The following KRT78 variants were observed in gnomAD, a reference collection of about 807,000 sequenced individuals.
The protein encoded by KRT78 is keratin, type II cytoskeletal 78.
In KRT78, 55 loss-of-function variants were observed where a neutral mutation model predicts 51.4. The observed-to-expected ratio is 1.07, with a 90% CI of 0.86 to 1.34. The LOEUF is 1.34. Ranked by LOEUF, KRT78 falls within the 40% of genes most tolerant of loss-of-function variation. KRT78 has a pLI of 0.00. For synonymous variants in KRT78, 291 were observed against 264.3 expected, an observed-to-expected ratio of 1.10 and a Z score of -0.98; for missense variants, 652 against 649.4, an observed-to-expected ratio of 1.00 and a Z score of -0.04.
At chr12:52,839,722 T>C (rs1397245980) in intron 7 of KRT78, 42 bp downstream of exon 7, 3 of 1,572,772 alleles carry the variant, frequency 1.9e-6, no homozygotes, top group Non-Finnish European at 2.6e-6. Flanking sequence ...CCCATCCTCC[T>C]CCCCAAACTC....
Position 52,848,028 on chromosome 12 carries a change from G to A in KRT78, c.478C>T (p.Pro160Ser), listed in dbSNP as rs1003146698. ...TGATCCAGGCAGGCCTCAAAGACAGGCTCCAGGCCCTGCTGGCTGCCACTC... is the reference window on the plus strand; with the variant it reads ...TGATCCAGGCAGGCCTCAAAGACAGACTCCAGGCCCTGCTGGCTGCCACTC... ...GLSGSQQGLEPVFEACLDQLR... is the reference protein window; with the variant it reads ...GLSGSQQGLESVFEACLDQLR... The change falls in exon 2 of 9, where the codon CCT (proline) becomes TCT (serine). Residue 160 changes from proline to serine, a missense_variant. By Grantham distance (74) the Pro-to-Ser change is moderately conservative (BLOSUM62 -1). Coordinates refer to ENST00000304620, the MANE Select transcript of KRT78 (RefSeq NM_173352.4). The A allele has an allele frequency of 1.9e-6, 3 of 1,614,186 alleles. No individual in the cohort carries two copies. The highest frequency in any genetic ancestry group is 2.5e-6 in the Non-Finnish European group (3 of 1,180,020).
chr12:52,844,878 G>A (rs557996432), intron 4 of KRT78, among the ~76,000 whole-genome samples, 155 bp from the exon 5 acceptor site: 166 of 152,192 alleles, frequency 1.1e-3, no homozygotes, highest in African/African-American at 3.8e-3. Context: ...CATGGGACTC[G>A]ATCTCCTCAT....
At chr12:52,845,911 C>G in intron 4 of KRT78, 1 of 365,590 alleles carries the variant, frequency 2.7e-6, no homozygotes. Context: ...TGAGATTGCA[C>G]CACTGCACTC....
At chr12:52,844,813 C>T in intron 4 of KRT78, 90 bp from the exon 5 acceptor site, 2 of 1,290,586 alleles carry the variant, frequency 1.5e-6, no homozygotes, top group Non-Finnish European at 2.1e-6. Flanking sequence ...TGAATTTCTG[C>T]TTACATGCCA....
chr12:52,846,948 A>C (rs1592146991), intron 2 of KRT78, 124 bp from the exon 3 acceptor site: 1 of 689,296 alleles, frequency 1.5e-6, no homozygotes, highest in South Asian at 1.7e-5. Flanking sequence ...CAAGACAATA[A>C]CCAGCCCTTC....
At chr12:52,846,359 G>A (rs1359290337) in intron 3 of KRT78, 67 bp from the exon 4 acceptor site, 1 of 1,012,414 alleles carries the variant, frequency 9.9e-7, no homozygotes, top group African/African-American at 1.6e-5. Flanking sequence ...TCTGGCTCAG[G>A]AATTCTGTTC....
At chr12:52,841,767 T>C (rs11170284) in intron 6 of KRT78, among the ~76,000 whole-genome samples, 10,444 of 152,182 alleles carry the variant, frequency 0.069, 850 homozygotes, top group East Asian at 0.21. Flanking sequence ...ATCATGTTTG[T>C]GCAGGAAAAG....
intron 6 of KRT78, among the ~76,000 whole-genome samples, chr12:52,843,506 A>T (rs1940563259): frequency 6.6e-6 from 1 of 151,346 alleles, no homozygotes; most frequent in East Asian, 1.9e-4. Flanking sequence ...CCTGGCCAAC[A>T]TGGTGAAACC....
Position 52,838,729 on chromosome 12 carries a change from G to C in KRT78, c.*384C>G, listed in dbSNP as rs1940402452. On this transcript the variant is annotated 3_prime_UTR_variant, in exon 9 of 9. Coordinates refer to ENST00000304620, the MANE Select transcript of KRT78 (RefSeq NM_173352.4). ...AAACAGGCAGTTGATGAGGAAGTGA[G>C]CTACAAGCACAGCTAAAACATCAGT... is the stretch of plus-strand genomic sequence containing the variant. The C allele has an allele frequency of 4.2e-6, 1 of 240,930 alleles. No individual in the cohort carries two copies. Among genetic ancestry groups the C allele is most frequent in the African/African-American group, 2.2e-5 (1 of 44,964 alleles). 14.9% of individuals were successfully genotyped at this position (240,930 alleles called of 1,614,324 possible).
In KRT78 at chr12:52,839,164, G is replaced by A. The variant is rs753763723; in HGVS notation, c.1512C>T (p.Thr504=). 1 of 1,613,480 alleles carries A rather than the reference G, an allele frequency of 6.2e-7. No homozygotes were observed. Residue 504 remains threonine (T), a synonymous_variant, in exon 9 of 9, where the codon ACC becomes ACT. Coordinates refer to ENST00000304620, the MANE Select transcript of KRT78 (RefSeq NM_173352.4). ...SGSSAGSSCH[T]ILKKTVESSL... ...TCGACTCAACTGTCTTCTTCAGGAT[G>A]GTGTGGCAGCTGGAGCCAGCGCTGG... is the stretch of plus-strand genomic sequence containing the variant.
chr12:52,840,060 T>G, intron 6 of KRT78, 76 bp from the exon 7 acceptor site: 1 of 1,036,344 alleles, frequency 9.6e-7, no homozygotes. Context: ...ACTGTGGATA[T>G]CACTTGAAGG....
intron 4 of KRT78, chr12:52,845,938 G>A (rs1940630416): frequency 4.4e-6 from 2 of 450,826 alleles, no homozygotes; most frequent in African/African-American, 4.2e-5. Context: ...GGGCAACTGA[G>A]CAAGATTCCA....
At position 52,846,803 on chromosome 12, in the gene KRT78, C is replaced by T. The variant is rs758147151; in HGVS notation, c.621G>A (p.Arg207=). ...YKSKYEEEAH[R]RATLENDFVV... The stretch of plus-strand genomic sequence containing the variant: ...CAAAGTCGTTCTCAAGTGTGGCACG[C>T]CTGTGGGCCTCCTCCTCATACCTGC... Residue 207 remains arginine (R), a synonymous_variant, in exon 3 of 9, where the codon AGG becomes AGA. Coordinates refer to ENST00000304620, the MANE Select transcript of KRT78 (RefSeq NM_173352.4). The T allele has an allele frequency of 6.2e-7, 1 of 1,613,836 alleles. No homozygotes were observed. The highest frequency in any genetic ancestry group is 1.7e-5 in the Admixed American group (1 of 59,964).
In KRT78 at chr12:52,848,656, A is replaced by G. The variant is rs2013335; in HGVS notation, c.275T>C (p.Leu92Pro). ...GATCTCAATCTTCAGTGGGGTCAGC[A>G]GATTCTGGTTGATGGTCACTTCTTG... ...GIQEVTINQN[L>P]LTPLKIEIDP... The change falls in exon 1 of 9, where the codon CTG becomes CCG. Residue 92 changes from leucine to proline, a missense_variant. Transcript: ENST00000304620. 0.55 allele frequency: 885,810 copies of G among 1,613,370 alleles called. 246,664 individuals are homozygous for G. The highest frequency in any genetic ancestry group is 0.69 in the South Asian group (62,698 of 91,026).
At chr12:52,848,402 A>C in intron 1 of KRT78, 145 bp downstream of exon 1, 2 of 1,402,982 alleles carry the variant, frequency 1.4e-6, no homozygotes, top group African/African-American at 1.4e-5. Context: ...GAGAGAGTCC[A>C]GTTAGTCCAC....
Position 52,839,084 on chromosome 12 carries a change from G to A in KRT78, c.*29C>T, listed in dbSNP as rs756029447. ...CTGATGGGGGGAGTGGGCCAAATGT[G>A]TTCAGGAAGGAGGTGGCTGCTGGGT... On this transcript the variant is annotated 3_prime_UTR_variant, in exon 9 of 9. Coordinates refer to ENST00000304620, the MANE Select transcript of KRT78 (RefSeq NM_173352.4). 4.4e-6 allele frequency: 7 copies of A among 1,602,218 alleles called. No individual in the cohort carries two copies. The East Asian group carries it at 1.1e-4, about 26-fold the overall frequency.
rs1185908887 is a variant in KRT78 at position 52,844,555 on chromosome 12, C to A, written c.921+4G>T. ...GCATGGTGCTGCCCCCCAGGTCCCA[C>A]CACCTTGGTCTGGTACAAGGCCTCA... is the stretch of plus-strand genomic sequence containing the variant. On this transcript the variant is annotated splice_donor_region_variant and intron_variant, in intron 5 of 8. Coordinates refer to ENST00000304620, the MANE Select transcript of KRT78 (RefSeq NM_173352.4). 1 of 1,611,414 alleles carries A rather than the reference C, an allele frequency of 6.2e-7. No homozygotes were observed.
chr12:52,838,880 T>C lies in KRT78; in HGVS notation c.*233A>G, dbSNP rs1407438928. On this transcript the variant is annotated 3_prime_UTR_variant, in exon 9 of 9. Transcript: ENST00000304620. ...ACGTCTGGACACAGATATGCCACAA[T>C]TGCCTTCCGAGGAGAGGAAGCTGGG... 5.2e-6 allele frequency: 3 copies of C among 580,932 alleles called. No individual in the cohort carries two copies. The highest frequency in any genetic ancestry group is 9.2e-6 in the Non-Finnish European group (3 of 326,892). The allele number at this position is 580,932 out of a possible 1,614,324, so 36.0% of individuals were successfully genotyped here. A position where few individuals can be genotyped will look rare whatever the true frequency, so the allele number is the denominator to read the frequency against.
chr12:52,847,378 C>T (rs1940666863), intron 2 of KRT78, among the ~76,000 whole-genome samples: 1 of 152,188 alleles, frequency 6.6e-6, no homozygotes, highest in African/African-American at 2.4e-5. Context: ...ACAGTTGCCC[C>T]AACCCAAGCC....
Sources: allele counts gnomAD v4.1 joint callset (sites outside exome capture counted in the v4.1 genomes callset), GRCh38; gene constraint gnomAD v4.1.1; transcripts MANE v1.5; gene names NCBI Gene and HGNC (gene_info 2026-07-23, HGNC 2026-07-21).